Variants in LRRK2 observed in about 807,000 individuals in gnomAD.
The protein encoded by LRRK2 is leucine-rich repeat serine/threonine-protein kinase 2.
LRRK2 carries 203 observed loss-of-function variants against 302.6 expected under a neutral mutation model. The ratio of observed to expected loss-of-function variants is 0.67; its 90% CI spans 0.60 to 0.75. The LOEUF (loss-of-function observed/expected upper bound fraction) is 0.75, where lower values mean the gene tolerates loss of function less well. Ranked by LOEUF, LRRK2 falls within the 30% of genes least tolerant of loss-of-function variation. The probability of loss-of-function intolerance (pLI) is 0.00; values close to 1 mark genes in which losing one functional copy is unlikely to be tolerated. For synonymous variants in LRRK2, 1,066 were observed against 1,031.9 expected (o/e 1.03, Z -0.63); for missense variants, 2,830 against 2,951.0 (o/e 0.96, Z 0.95).
intron 41 of LRRK2, among the ~76,000 whole-genome samples, chr12:40,343,414 G>A (rs559939527): frequency 6.6e-6 from 1 of 152,152 alleles, no homozygotes; most frequent in African/African-American, 2.4e-5. Flanking sequence ...AAATACTATA[G>A]TCTTCGGGTA....
In LRRK2 at chr12:40,228,867, G is replaced by A. The variant is rs113396001; in HGVS notation, c.237+3227G>A. Among the ~76,000 whole-genome samples the A allele has an allele frequency of 5.6e-3, 850 of 152,244 alleles. 11 individuals are homozygous for A. The highest frequency in any genetic ancestry group is 0.019 in the African/African-American group (800 of 41,534). On this transcript the variant is annotated intron_variant, in intron 2 of 50. Coordinates refer to ENST00000298910, the MANE Select transcript of LRRK2 (RefSeq NM_198578.4). ...TCACTGCCCTCCTGGAAATATTACC[G>A]GATGTTTTACTGTCATAGCGAAGTG... is the stretch of plus-strand genomic sequence containing the variant.
chr12:40,228,319 C>T (rs1054161105), intron 2 of LRRK2, among the ~76,000 whole-genome samples: 3 of 151,400 alleles, frequency 2.0e-5, no homozygotes, highest in Non-Finnish European at 2.9e-5. Flanking sequence ...TTTGATTTGC[C>T]TCTCCCTAAT....
rs1385360473 is a variant in LRRK2, at chr12:40,322,343, T to C, written c.5342T>C (p.Val1781Ala). 6.2e-7 allele frequency: 1 copy of C among 1,613,728 alleles called. No homozygotes were observed. Among genetic ancestry groups the C allele is most frequent in the East Asian group, 2.2e-5 (1 of 44,854 alleles). Residue 1781 changes from valine to alanine, a missense_variant, in exon 37 of 51, where the codon GTG becomes GCG. Around this residue, in one of 3 missense-constraint regions of LRRK2, gnomAD observed 2,121 missense variants for 2,148.0 expected, o/e 0.99. Coordinates refer to ENST00000298910, the MANE Select transcript of LRRK2 (RefSeq NM_198578.4). ...RKGCILLGQV[V>A]DHIDSLMEEW... ...GGCTGTATTCTTTTGGGCCAAGTTG[T>C]GGACCACATTGATTCTCTCATGGAA...
intron 20 of LRRK2, among the ~76,000 whole-genome samples, chr12:40,290,836 C>G (rs1565717760): frequency 6.6e-6 from 1 of 151,846 alleles, no homozygotes; most frequent in African/African-American, 2.4e-5. Flanking sequence ...CTTTTCCTTA[C>G]TTATTTTTAT....
chr12:40,249,977 C>T (rs72546316), intron 8 of LRRK2, 32 bp downstream of exon 8: 20 of 1,611,558 alleles, frequency 1.2e-5, no homozygotes, highest in Non-Finnish European at 1.7e-5. Context: ...GGGATTCTTA[C>T]AGAGGCATTT....
Position 40,274,601 on chromosome 12 carries a change from A to T in LRRK2, c.1675A>T (p.Ile559Phe). Residue 559 changes from isoleucine (I) to phenylalanine (F), a missense_variant, in exon 15 of 51, where the codon ATT becomes TTT. Transcript: ENST00000298910. ...ATTTTAGTTCATTGGAAATCCTGGG[A>T]TTCAGAAATGTGGATTAAAAGTAAT... The part of the protein sequence containing the change: ...ALNRFIGNPG[I>F]QKCGLKVISS... 6.2e-7 allele frequency: 1 copy of T among 1,613,852 alleles called. No individual in the cohort carries two copies. Among genetic ancestry groups the T allele is most frequent in the Non-Finnish European group, 8.5e-7 (1 of 1,179,854 alleles).
intron 8 of LRRK2, among the ~76,000 whole-genome samples, chr12:40,250,258 G>A (rs1162229737): frequency 6.6e-6 from 1 of 152,168 alleles, no homozygotes; most frequent in Non-Finnish European, 1.5e-5. Context: ...TTGGGAGGCC[G>A]AGGCGGGTGG....
intron 5 of LRRK2, among the ~76,000 whole-genome samples, chr12:40,239,829 T>G (rs781708628): frequency 2.6e-5 from 4 of 152,196 alleles, no homozygotes; most frequent in Non-Finnish European, 5.9e-5. Flanking sequence ...TAGAGTGCTG[T>G]GTTTTCTAAC....
At chr12:40,340,124 G>C (rs1945993442) in intron 40 of LRRK2, among the ~76,000 whole-genome samples, 170 bp from the exon 41 acceptor site, 1 of 152,126 alleles carries the variant, frequency 6.6e-6, no homozygotes, top group Non-Finnish European at 1.5e-5. Context: ...TGTAATATTA[G>C]ACTTATATGT....
At chr12:40,358,013 C>T (rs77668961) in intron 46 of LRRK2, among the ~76,000 whole-genome samples, 5,169 of 152,212 alleles carry the variant, frequency 0.034, 127 homozygotes, top group Non-Finnish European at 0.056. Flanking sequence ...AGCAATCCTC[C>T]TGCCTCATCT....
intron 11 of LRRK2, among the ~76,000 whole-genome samples, chr12:40,256,045 A>G (rs1942484665): frequency 6.6e-6 from 1 of 152,210 alleles, no homozygotes; most frequent in Non-Finnish European, 1.5e-5. Context: ...GTTGAATCAC[A>G]GTGTGTAATG....
intron 31 of LRRK2, among the ~76,000 whole-genome samples, chr12:40,311,558 A>T (rs1945039010): frequency 6.6e-6 from 1 of 152,208 alleles, no homozygotes; most frequent in African/African-American, 2.4e-5. Context: ...CAGTCCCAGC[A>T]TAATTATGTA....
intron 7 of LRRK2, among the ~76,000 whole-genome samples, chr12:40,246,428 G>A (rs899999023): frequency 6.6e-6 from 1 of 151,916 alleles, no homozygotes; most frequent in African/African-American, 2.4e-5. Context: ...AGTTTTGGCA[G>A]CCTCTTGTTT....
chr12:40,274,474 T>A, intron 14 of LRRK2, 109 bp from the exon 15 acceptor site: 1 of 1,138,360 alleles, frequency 8.8e-7, no homozygotes, highest in Admixed American at 1.9e-5. Context: ...TCAAGGATAC[T>A]GATTTATATT....
At chr12:40,225,319 C>T in intron 1 of LRRK2, 37 bp downstream of exon 1, 1 of 1,609,224 alleles carries the variant, frequency 6.2e-7, no homozygotes, top group South Asian at 1.1e-5. Context: ...TTTATTTTTG[C>T]AAACTTTCTC....
At chr12:40,281,880 T>A (rs546877643) in intron 18 of LRRK2, among the ~76,000 whole-genome samples, 1 of 152,318 alleles carries the variant, frequency 6.6e-6, no homozygotes, top group South Asian at 2.1e-4. Flanking sequence ...TCTGTATGTG[T>A]AGGGCATTGA....
At position 40,346,937 on chromosome 12, in the gene LRRK2, T is replaced by C. The variant is rs1180169012; in HGVS notation, c.6280+14T>C. On this transcript the variant is annotated intron_variant, in intron 42 of 50. Transcript: ENST00000298910. ...GAAAATTACCTGGTAAGTTCTGTTT[T>C]CTCTACAATGAAGATTTTTTTTCTT... The C allele has an allele frequency of 6.2e-7, 1 of 1,602,338 alleles. No individual in the cohort carries two copies. Among genetic ancestry groups the C allele is most frequent in the Admixed American group, 1.7e-5 (1 of 58,032 alleles).
In LRRK2 at chr12:40,308,575, A is replaced by T; in HGVS notation, c.4068A>T (p.Lys1356Asn). 1.9e-6 allele frequency: 3 copies of T among 1,614,050 alleles called. No homozygotes were observed. Among genetic ancestry groups the T allele is most frequent in the Non-Finnish European group, 2.5e-6 (3 of 1,179,946 alleles). Reference protein sequence around the residue: ...GKTTLLQQLMKTKKSDLGMQS... With the variant: ...GKTTLLQQLMNTKKSDLGMQS... ...CCACCTTATTGCAGCAATTAATGAA[A>T]ACCAAGAAATCAGATCTTGGAATGC... is the stretch of plus-strand genomic sequence containing the variant. Residue 1356 changes from lysine (K) to asparagine (N), a missense_variant, in exon 29 of 51, where the codon AAA (lysine) becomes AAT (asparagine). Physicochemically the swap from Lys to Asn is moderately conservative, Grantham distance 94 (BLOSUM62 0). Around this residue, in one of 3 missense-constraint regions of LRRK2, gnomAD observed 2,121 missense variants for 2,148.0 expected, o/e 0.99. Transcript: ENST00000298910.
At chr12:40,333,735 C>T (rs1038325448) in intron 39 of LRRK2, among the ~76,000 whole-genome samples, 1 of 151,782 alleles carries the variant, frequency 6.6e-6, no homozygotes, top group East Asian at 2.0e-4. Context: ...TAAGGGTGGC[C>T]CATGGCGGGC....
Sources: gnomAD v4.1 joint callset for allele counts (sites outside exome capture counted in the v4.1 genomes callset) on GRCh38, gnomAD v4.1.1 for gene constraint, gnomAD v4.1.1 regional missense constraint, MANE v1.5 for transcripts, NCBI Gene and HGNC (gene_info 2026-07-23, HGNC 2026-07-21) for gene names.